Variants in ERP44 observed in about 807,000 individuals in gnomAD.
ERP44 encodes endoplasmic reticulum resident protein 44.
A neutral mutation model predicts 53.4 loss-of-function variants in ERP44; 25 were observed. That is an observed-to-expected ratio of 0.47 (90% CI 0.34 to 0.65). ERP44 has a LOEUF of 0.65. Ranked by LOEUF, ERP44 falls within the 30% of genes least tolerant of loss-of-function variation. The pLI is 0.01. For missense variants in ERP44, 338 were observed against 493.2 expected, an observed-to-expected ratio of 0.69 and a Z score of 2.98; for synonymous variants, 145 against 161.2, an observed-to-expected ratio of 0.90 and a Z score of 0.76.
chr9:100,091,089 G>A (rs192045889), intron 1 of ERP44, among the ~76,000 whole-genome samples: 2 of 152,234 alleles, frequency 1.3e-5, no homozygotes, highest in Admixed American at 1.3e-4. Flanking sequence ...TTCTGAGATG[G>A]GTTTCTTCTG....
intron 11 of ERP44, 58 bp downstream of exon 11, chr9:99,984,909 A>C: frequency 9.4e-7 from 1 of 1,064,156 alleles, no homozygotes. Flanking sequence ...ACCCTCTTTG[A>C]GGCTAACTGA....
chr9:100,072,585 C>T (rs185512965), intron 1 of ERP44, among the ~76,000 whole-genome samples: 94 of 152,216 alleles, frequency 6.2e-4, no homozygotes, highest in Admixed American at 2.4e-3. Flanking sequence ...TGCAATGGAG[C>T]GATCTTGGCT....
At chr9:100,043,670 G>A (rs371399030) in intron 4 of ERP44, among the ~76,000 whole-genome samples, 1 of 151,896 alleles carries the variant, frequency 6.6e-6, no homozygotes, top group Admixed American at 6.6e-5. Flanking sequence ...CACAAGAATC[G>A]CTTGACCACT....
chr9:100,017,794 A>G (rs971744254), intron 7 of ERP44, among the ~76,000 whole-genome samples: 1 of 152,120 alleles, frequency 6.6e-6, no homozygotes, highest in East Asian at 1.9e-4. Context: ...GCTACTTAAA[A>G]CTTCTTACCC....
chr9:99,995,100 T>G, intron 10 of ERP44, among the ~76,000 whole-genome samples: 1 of 152,220 alleles, frequency 6.6e-6, no homozygotes, highest in Admixed American at 6.5e-5. Context: ...TTCCCCCTCC[T>G]TTTGGAGCTA....
At chr9:99,987,817 G>T (rs145955243) in intron 10 of ERP44, among the ~76,000 whole-genome samples, 94 of 150,312 alleles carry the variant, frequency 6.3e-4, no homozygotes, top group African/African-American at 2.3e-3. Context: ...AGCCATTTTT[G>T]TATGTATAAA....
At chr9:100,059,670 T>C (rs1826121637) in intron 2 of ERP44, among the ~76,000 whole-genome samples, 1 of 152,064 alleles carries the variant, frequency 6.6e-6, no homozygotes, top group Non-Finnish European at 1.5e-5. Flanking sequence ...CACTCCAGTC[T>C]GGGTGACAAA....
At chr9:100,052,362 G>A (rs1587975373) in intron 4 of ERP44, 55 bp downstream of exon 4, 4 of 783,556 alleles carry the variant, frequency 5.1e-6, no homozygotes, top group Non-Finnish European at 7.9e-6. Context: ...ATGTGTATGT[G>A]TGCCTGTGTT....
chr9:99,988,014 A>G (rs1366753443), intron 10 of ERP44, among the ~76,000 whole-genome samples: 2 of 152,220 alleles, frequency 1.3e-5, no homozygotes, highest in African/African-American at 4.8e-5. Flanking sequence ...TATGGTAGGT[A>G]TATGTCTTAC....
rs758916479 is a variant in ERP44 at position 100,018,265 on chromosome 9, T to C, written c.636A>G (p.Lys212=). 2 of 1,599,286 alleles carry C rather than the reference T, an allele frequency of 1.3e-6. No individual in the cohort carries two copies. Among genetic ancestry groups the C allele is most frequent in the Non-Finnish European group, 1.7e-6 (2 of 1,166,678 alleles). Residue 212 remains lysine, a synonymous_variant, in exon 7 of 12, where the codon AAA becomes AAG. Transcript: ENST00000262455. ...AGAAATAGCAACTTACCCCTGGTGG[T>C]TTGTAGATTATGTTGTCGCCACTAT... ...ERYSGDNIIY[K]PPGHSAPDMV...
chr9:100,050,095 A>C (rs1826020288), intron 4 of ERP44, among the ~76,000 whole-genome samples: 1 of 151,802 alleles, frequency 6.6e-6, no homozygotes, highest in South Asian at 2.1e-4. Context: ...ACTTATATAA[A>C]ATTCTAGAAA....
At chr9:99,998,954 A>G in intron 10 of ERP44, 2 of 1,554,624 alleles carry the variant, frequency 1.3e-6, no homozygotes, top group East Asian at 2.2e-5. Flanking sequence ...AGGTTTCTAA[A>G]AAGTTTTTAT....
intron 10 of ERP44, among the ~76,000 whole-genome samples, chr9:99,999,444 T>C (rs1830354974): frequency 6.6e-6 from 1 of 152,236 alleles, no homozygotes; most frequent in African/African-American, 2.4e-5. Flanking sequence ...TTAGTGATGT[T>C]GAGCACTTTT....
intron 4 of ERP44, among the ~76,000 whole-genome samples, chr9:100,035,696 A>G (rs1228019871): frequency 1.3e-5 from 2 of 152,160 alleles, no homozygotes; most frequent in Non-Finnish European, 2.9e-5. Context: ...GAATAAAAAT[A>G]AAAACAAAAA....
chr9:100,094,974 GA>G lies in ERP44; in HGVS notation c.57+3809del, dbSNP rs942932783. Reference sequence around the variant, plus strand: ...GTGACAGAGCTAGACTCTGCCTCAAGAAAAAAAAAAAAAAAAAGTGCTATTT... The same window carrying G: ...GTGACAGAGCTAGACTCTGCCTCAAGAAAAAAAAAAAAAAAAGTGCTATTT... On this transcript the variant is annotated intron_variant, in intron 1 of 11. Coordinates refer to ENST00000262455, the MANE Select transcript of ERP44 (RefSeq NM_015051.3). 9.3e-3 allele frequency among the ~76,000 whole-genome samples: 474 copies of G among 51,058 alleles called. 2 individuals carry two copies. The highest frequency in any genetic ancestry group is 0.035 in the East Asian group (69 of 1,952). 33.5% of individuals were successfully genotyped at this position (51,058 alleles called of 152,430 possible). A position where few individuals can be genotyped will look rare whatever the true frequency, so the allele number is the denominator to read the frequency against.
At chr9:100,042,796 G>A (rs1825920154) in intron 4 of ERP44, among the ~76,000 whole-genome samples, 1 of 152,162 alleles carries the variant, frequency 6.6e-6, no homozygotes, top group Non-Finnish European at 1.5e-5. Context: ...TAGGTTAAGT[G>A]AAATAAGCCA....
chr9:99,999,022 C>G, intron 10 of ERP44: 1 of 948,374 alleles, frequency 1.1e-6, no homozygotes, highest in South Asian at 1.3e-5. Flanking sequence ...GGGCAGCGGG[C>G]GCAGCTGCTC....
intron 1 of ERP44, among the ~76,000 whole-genome samples, chr9:100,094,475 T>A (rs1282784676): frequency 6.6e-6 from 1 of 152,032 alleles, no homozygotes; most frequent in Non-Finnish European, 1.5e-5. Context: ...CTGGCCAACA[T>A]GGTGAAACCC....
intron 1 of ERP44, among the ~76,000 whole-genome samples, chr9:100,072,243 T>G (rs1826313992): frequency 6.6e-6 from 1 of 152,110 alleles, no homozygotes; most frequent in South Asian, 2.1e-4. Context: ...TCTAAGCACT[T>G]TTACCAAAAA....
Sources: gnomAD v4.1 joint callset for allele counts (sites outside exome capture counted in the v4.1 genomes callset) on GRCh38, gnomAD v4.1.1 for gene constraint, MANE v1.5 for transcripts, NCBI Gene and HGNC (gene_info 2026-07-23, HGNC 2026-07-21) for gene names.